Variants in EPB41L4B observed in about 807,000 individuals in gnomAD.
The protein encoded by EPB41L4B is band 4.1-like protein 4B.
A neutral mutation model predicts 112.5 loss-of-function variants in EPB41L4B; 30 were observed. The ratio of observed to expected loss-of-function variants is 0.27; its 90% CI spans 0.20 to 0.36. The LOEUF (loss-of-function observed/expected upper bound fraction) is 0.36, where lower values mean the gene tolerates loss of function less well. EPB41L4B is among the 10% of genes least tolerant of loss of function. The pLI, the probability that EPB41L4B is intolerant of heterozygous loss-of-function variation, is 1.00. For synonymous variants in EPB41L4B, 408 were observed against 439.7 expected (o/e 0.93, Z 0.90); for missense variants, 1,024 against 1,133.3 (o/e 0.90, Z 1.38).
chr9:109,208,335 A>G (rs970096752), intron 17 of EPB41L4B, among the ~76,000 whole-genome samples: 48 of 152,244 alleles, frequency 3.2e-4, no homozygotes, highest in African/African-American at 1.1e-3. Context: ...CAGTGGCAGA[A>G]GAGGACATCT....
chr9:109,272,488 C>T (rs1033025091), intron 2 of EPB41L4B, among the ~76,000 whole-genome samples: 4 of 151,164 alleles, frequency 2.6e-5, no homozygotes, highest in African/African-American at 7.3e-5. Context: ...CGTGGTGGCT[C>T]ACGTCTGTAA....
chr9:109,276,458 A>G (rs1298010980), intron 2 of EPB41L4B, among the ~76,000 whole-genome samples: 1 of 152,172 alleles, frequency 6.6e-6, no homozygotes, highest in African/African-American at 2.4e-5. Context: ...CTCAGAAAGC[A>G]AAGATGGGAA....
In EPB41L4B at chr9:109,281,503, G is replaced by A. The variant is rs192476244; in HGVS notation, c.307-1582C>T. ...AGATCACTTGAGATCAGGAGTTCAA[G>A]ACCAGCCTGGCCAACATGGTGAAAC... On this transcript the variant is annotated intron_variant, in intron 1 of 25. Transcript: ENST00000374566. 6.3e-3 allele frequency among the ~76,000 whole-genome samples: 964 copies of A among 152,232 alleles called. 5 individuals carry two copies. The highest frequency in any genetic ancestry group is 0.02 in the Middle Eastern group (6 of 294).
intron 2 of EPB41L4B, among the ~76,000 whole-genome samples, chr9:109,279,345 T>C (rs1397429781): frequency 3.3e-5 from 5 of 152,026 alleles, no homozygotes; most frequent in Admixed American, 3.3e-4. Flanking sequence ...GCCTCCCTAG[T>C]AGCTGGGACT....
Position 109,255,797 on chromosome 9 carries a change from C to T in EPB41L4B, c.976G>A (p.Val326Met), listed in dbSNP as rs762192572. ...ACCTGATCATCATCCTCGACCACCACGAGTGTCAATTTGCTCTTTTTAAAA... is the reference window on the plus strand; with the variant it reads ...ACCTGATCATCATCCTCGACCACCATGAGTGTCAATTTGCTCTTTTTAAAA... ...MDFKKSKLTL[V>M]VVEDDDQGRE... The change falls in exon 10 of 26, where the codon GTG becomes ATG. Residue 326 changes from valine (V) to methionine (M), a missense_variant. Coordinates refer to ENST00000374566, the MANE Select transcript of EPB41L4B (RefSeq NM_019114.5). 2.7e-5 allele frequency: 44 copies of T among 1,613,696 alleles called. No homozygotes were observed. The highest frequency in any genetic ancestry group is 5.3e-5 in the African/African-American group (4 of 74,878).
At chr9:109,267,673 TG>T in intron 3 of EPB41L4B, 122 bp from the exon 4 acceptor site, 2 of 641,640 alleles carry the variant, frequency 3.1e-6, no homozygotes, top group South Asian at 2.0e-5. Context: ...ACAGCATAAC[TG>T]GGCACGCGAC....
At chr9:109,263,785 C>A (rs565211398) in intron 5 of EPB41L4B, among the ~76,000 whole-genome samples, 1 of 152,166 alleles carries the variant, frequency 6.6e-6, no homozygotes, top group Non-Finnish European at 1.5e-5. Flanking sequence ...AGTGAGCCCC[C>A]CCGACCCATC....
intron 19 of EPB41L4B, among the ~76,000 whole-genome samples, chr9:109,201,455 A>AAAAAAAAAG (rs1564261372): frequency 5.8e-5 from 8 of 138,080 alleles, no homozygotes; most frequent in Non-Finnish European, 7.6e-5. Flanking sequence ...GTCTCAAAAA[A>AAAAAAAAAG]AAAAAAAAAA....
At chr9:109,290,710 CAT>C (rs138734040) in intron 1 of EPB41L4B, among the ~76,000 whole-genome samples, 25,700 of 145,298 alleles carry the variant, frequency 0.18, 2,744 homozygotes, top group Admixed American at 0.24. Context: ...GGAAACTAGC[CAT>C]ATATATATAT....
intron 1 of EPB41L4B, among the ~76,000 whole-genome samples, chr9:109,310,097 C>T (rs1300056254): frequency 1.3e-5 from 2 of 152,038 alleles, no homozygotes; most frequent in African/African-American, 4.8e-5. Flanking sequence ...CCTAATAGTT[C>T]CAAAGTGAAA....
At chr9:109,238,687 T>C (rs1326836317) in intron 15 of EPB41L4B, among the ~76,000 whole-genome samples, 2 of 152,170 alleles carry the variant, frequency 1.3e-5, no homozygotes, top group Admixed American at 6.5e-5. Context: ...AGGGGGTTAT[T>C]ACTGGAACAC....
intron 15 of EPB41L4B, among the ~76,000 whole-genome samples, chr9:109,230,427 T>C (rs1833914203): frequency 6.6e-6 from 1 of 152,230 alleles, no homozygotes; most frequent in African/African-American, 2.4e-5. Context: ...CTCACTTATC[T>C]GGGTGGCAGA....
At chr9:109,182,462 A>G (rs1167392393) in intron 24 of EPB41L4B, among the ~76,000 whole-genome samples, 1 of 152,194 alleles carries the variant, frequency 6.6e-6, no homozygotes, top group East Asian at 1.9e-4. Context: ...AGGACGCAAT[A>G]AAAATGTATT....
At chr9:109,243,784 C>A in intron 14 of EPB41L4B, 102 bp from the exon 15 acceptor site, 1 of 1,146,626 alleles carries the variant, frequency 8.7e-7, no homozygotes. Flanking sequence ...GGCTGGGGGA[C>A]TAAGAATGGA....
At chr9:109,302,990 A>G (rs1469314593) in intron 1 of EPB41L4B, among the ~76,000 whole-genome samples, 1 of 151,818 alleles carries the variant, frequency 6.6e-6, no homozygotes, top group East Asian at 1.9e-4. Context: ...CTGAGGTGGG[A>G]GGATCACTCA....
chr9:109,237,592 C>T (rs1834191890), intron 15 of EPB41L4B, among the ~76,000 whole-genome samples: 1 of 152,156 alleles, frequency 6.6e-6, no homozygotes, highest in South Asian at 2.1e-4. Flanking sequence ...TGCGGGACTA[C>T]TGCTGAATGA....
chr9:109,241,766 T>A lies in EPB41L4B; in HGVS notation c.1409+1852A>T, dbSNP rs1397550223. 3 of 1,614,080 alleles carry A rather than the reference T, an allele frequency of 1.9e-6. No individual in the cohort carries two copies. In the South Asian group the frequency reaches 3.3e-5, roughly 18 times the overall value. ...TAATCAAAATGGCTGTCATCTCCACTGGCCGATGCTTTCCAATGCGACCTG... is the reference window on the plus strand; with the variant it reads ...TAATCAAAATGGCTGTCATCTCCACAGGCCGATGCTTTCCAATGCGACCTG... On this transcript the variant is annotated intron_variant, in intron 15 of 25. Transcript: ENST00000374566.
In EPB41L4B at chr9:109,320,263, C is replaced by T; in HGVS notation, c.184G>A (p.Gly62Ser). 1 of 1,206,264 alleles carries T rather than the reference C, an allele frequency of 8.3e-7. No individual in the cohort carries two copies. Among genetic ancestry groups the T allele is most frequent in the Non-Finnish European group, 1.0e-6 (1 of 966,558 alleles). 74.7% of individuals were successfully genotyped at this position (1,206,264 alleles called of 1,614,324 possible). A position where few individuals can be genotyped will look rare whatever the true frequency, so the allele number is the denominator to read the frequency against. ...CCGCCGGTGAGCAGGGGCCCGCCGC[C>T]CGCCGGGAACACGCTGCCCCCGGGC... ...AAPGGSVFPA[G>S]GGPLLTGGAA... Residue 62 changes from glycine to serine, a missense_variant, in exon 1 of 26, where the codon GGC (glycine) becomes AGC (serine). Gly to Ser is a moderately conservative substitution (Grantham distance 56). Coordinates refer to ENST00000374566, the MANE Select transcript of EPB41L4B (RefSeq NM_019114.5).
chr9:109,267,639 T>C (rs1835456860), intron 3 of EPB41L4B, 88 bp from the exon 4 acceptor site: 1 of 859,054 alleles, frequency 1.2e-6, no homozygotes. Context: ...ACGTTAAATC[T>C]ATAACATTTA....
Sources: allele counts gnomAD v4.1 joint callset (sites outside exome capture counted in the v4.1 genomes callset), GRCh38; gene constraint gnomAD v4.1.1; transcripts MANE v1.5; gene names NCBI Gene and HGNC (gene_info 2026-07-23, HGNC 2026-07-21).